MYO18B: variants seen among roughly 807,000 people sequenced by gnomAD.
MYO18B encodes unconventional myosin-XVIIIb.
In MYO18B, 204 loss-of-function variants were observed where a neutral mutation model predicts 273.0. The ratio of observed to expected loss-of-function variants is 0.75; its 90% CI spans 0.67 to 0.84. MYO18B has a LOEUF of 0.84. Among genes scored for constraint, MYO18B ranks in the 40% least tolerant of loss-of-function variants. The pLI is 0.00. For missense variants in MYO18B, 3,212 were observed against 3,287.6 expected (o/e 0.98, Z 0.56); for synonymous variants, 1,330 against 1,305.7 (o/e 1.02, Z -0.40).
chr22:25,854,163 G>A (rs925193667), intron 21 of MYO18B, among the ~76,000 whole-genome samples: 1 of 152,186 alleles, frequency 6.6e-6, no homozygotes, highest in Non-Finnish European at 1.5e-5. Context: ...GGTCTAACAT[G>A]TGGGGTCTGA....
intron 1 of MYO18B, among the ~76,000 whole-genome samples, chr22:25,760,434 A>AAAAAAAAAAC (rs59165419): frequency 2.1e-4 from 23 of 111,536 alleles, no homozygotes; most frequent in East Asian, 9.9e-4. Flanking sequence ...AAAAAAAAAA[A>AAAAAAAAAAC]CACAAAAACA....
chr22:25,908,851 A>G (rs1441735685), intron 32 of MYO18B, among the ~76,000 whole-genome samples: 2 of 152,222 alleles, frequency 1.3e-5, no homozygotes, highest in Admixed American at 6.5e-5. Context: ...TTGACATGTT[A>G]TCACCTAGAA....
chr22:25,972,695 C>T (rs1327183951), intron 39 of MYO18B, among the ~76,000 whole-genome samples: 1 of 152,148 alleles, frequency 6.6e-6, no homozygotes, highest in Non-Finnish European at 1.5e-5. Flanking sequence ...GTGGCTCACG[C>T]CTGTAATCCC....
intron 39 of MYO18B, among the ~76,000 whole-genome samples, chr22:25,978,020 G>A (rs1269755267): frequency 1.3e-5 from 2 of 152,176 alleles, no homozygotes; most frequent in African/African-American, 2.4e-5. Flanking sequence ...AGGGCAGGAA[G>A]AGTTTAAAGT....
chr22:26,046,401 C>G, the MYO18B span, among the ~76,000 whole-genome samples: 1 of 152,170 alleles, frequency 6.6e-6, no homozygotes, highest in African/African-American at 2.4e-5. Context: ...AGTGGGGCAC[C>G]ATGACAGATG....
chr22:25,821,048 TA>T (rs2089259444), intron 12 of MYO18B, among the ~76,000 whole-genome samples: 1 of 152,226 alleles, frequency 6.6e-6, no homozygotes, highest in Non-Finnish European at 1.5e-5. Context: ...TGTGTATATA[TA>T]CCACATTTTC....
chr22:25,866,309 C>A (rs2090884682), intron 21 of MYO18B, among the ~76,000 whole-genome samples: 1 of 152,184 alleles, frequency 6.6e-6, no homozygotes, highest in South Asian at 2.1e-4. Flanking sequence ...AGCAACCAGG[C>A]ACAACCTGGG....
intron 40 of MYO18B, 86 bp downstream of exon 40, chr22:25,992,579 C>T: frequency 5.7e-6 from 9 of 1,565,698 alleles, no homozygotes; most frequent in Non-Finnish European, 7.0e-6. Context: ...GGGCTGGGGC[C>T]ACATTCACTG....
intron 21 of MYO18B, among the ~76,000 whole-genome samples, chr22:25,856,281 C>T (rs2090571283): frequency 6.6e-6 from 1 of 152,104 alleles, no homozygotes; most frequent in South Asian, 2.1e-4. Flanking sequence ...TTTGCATTTT[C>T]CTCATGATTA....
At chr22:25,773,699 G>A (rs947162425) in intron 7 of MYO18B, among the ~76,000 whole-genome samples, 1 of 152,174 alleles carries the variant, frequency 6.6e-6, no homozygotes, top group Admixed American at 6.5e-5. Context: ...TCCTGAGCTC[G>A]TGATCCGCCC....
chr22:26,029,835 A>G (rs1449911787), intron 43 of MYO18B, among the ~76,000 whole-genome samples: 1 of 152,144 alleles, frequency 6.6e-6, no homozygotes, highest in Non-Finnish European at 1.5e-5. Context: ...CCAACTACCT[A>G]AAGTAACGCT....
chr22:25,806,957 A>C (rs5752216), intron 12 of MYO18B, among the ~76,000 whole-genome samples: 10,023 of 152,292 alleles, frequency 0.066, 578 homozygotes, highest in East Asian at 0.21. Context: ...ATCATTGTAC[A>C]GTCAGATAAT....
At chr22:25,831,167 A>G (rs887831695) in intron 15 of MYO18B, among the ~76,000 whole-genome samples, 40 of 152,192 alleles carry the variant, frequency 2.6e-4, no homozygotes, top group Admixed American at 1.0e-3. Context: ...TCCTGTATAT[A>G]TGAGTTTGTT....
chr22:25,809,998 T>TAAA (rs200815599), intron 12 of MYO18B, among the ~76,000 whole-genome samples: 124 of 139,992 alleles, frequency 8.9e-4, no homozygotes, highest in Admixed American at 1.4e-3. Context: ...ATAGAAAGTT[T>TAAA]AAAAAAAAAA....
In MYO18B at chr22:25,835,503, C is replaced by T. The variant is rs567590840; in HGVS notation, c.3208+60C>T. On this transcript the variant is annotated intron_variant, in intron 17 of 43. Coordinates refer to ENST00000335473, the MANE Select transcript of MYO18B (RefSeq NM_032608.7). ...TCCAGCCTGGGTATTAGAATCTGTT[C>T]TTCTCTGCTGCAGGGAAAGCCCTGA... is the stretch of plus-strand genomic sequence containing the variant. 1.3e-5 allele frequency: 21 copies of T among 1,602,398 alleles called. No homozygotes were observed. In the South Asian group the frequency reaches 2.1e-4, roughly 16 times the overall value.
In MYO18B at chr22:25,847,088, A is replaced by G. The variant is rs539581778; in HGVS notation, c.3553-342A>G. Among the ~76,000 whole-genome samples, 179 of 151,618 alleles carry G rather than the reference A, an allele frequency of 1.2e-3. 3 individuals carry two copies. In the South Asian group the frequency reaches 0.021, roughly 18 times the overall value. ...AGTGAGACTCTGTCTCAAAAAAAAAAAAATAAAGAAAGAAAGAAAAATAAA... is the reference window on the plus strand; with the variant it reads ...AGTGAGACTCTGTCTCAAAAAAAAAGAAATAAAGAAAGAAAGAAAAATAAA... On this transcript the variant is annotated intron_variant, in intron 19 of 43. Transcript: ENST00000335473.
intron 32 of MYO18B, among the ~76,000 whole-genome samples, chr22:25,909,870 A>G (rs1012520392): frequency 3.3e-5 from 5 of 152,186 alleles, no homozygotes; most frequent in African/African-American, 1.2e-4. Flanking sequence ...TGGGGTCAGG[A>G]GAGAGGACAC....
intron 33 of MYO18B, among the ~76,000 whole-genome samples, chr22:25,911,466 C>T (rs765823370): frequency 1.3e-5 from 2 of 152,236 alleles, no homozygotes; most frequent in African/African-American, 2.4e-5. Flanking sequence ...TCTGTCTGCA[C>T]GGCTTTGAGT....
chr22:25,878,423 A>T (rs534417445), intron 25 of MYO18B, among the ~76,000 whole-genome samples: 2 of 152,238 alleles, frequency 1.3e-5, no homozygotes, highest in Non-Finnish European at 2.9e-5. Flanking sequence ...GATGTATATT[A>T]CTTACTTGGA....
Sources: gnomAD v4.1 joint callset for allele counts (sites outside exome capture counted in the v4.1 genomes callset) on GRCh38, gnomAD v4.1.1 for gene constraint, MANE v1.5 for transcripts, NCBI Gene and HGNC (gene_info 2026-07-23, HGNC 2026-07-21) for gene names.